AVPR1B: variants seen among roughly 807,000 people sequenced by gnomAD.
AVPR1B encodes the protein arginine vasopressin receptor 1B.
In AVPR1B, 25 loss-of-function variants were observed where a neutral mutation model predicts 27.5. That is an observed-to-expected ratio of 0.91 (90% CI 0.66 to 1.27). The LOEUF (loss-of-function observed/expected upper bound fraction) is 1.27. AVPR1B is among the 50% of genes most tolerant of loss of function. The pLI is 0.00. For synonymous variants in AVPR1B, 248 were observed against 240.2 expected, an observed-to-expected ratio of 1.03 and a Z score of -0.30; for missense variants, 595 against 556.9, an observed-to-expected ratio of 1.07 and a Z score of -0.69.
chr1:206,111,107 T>C (rs1553289787), intron 1 of AVPR1B, among the ~76,000 whole-genome samples: 1 of 152,136 alleles, frequency 6.6e-6, no homozygotes, highest in African/African-American at 2.4e-5. Flanking sequence ...GGGGACCTGA[T>C]GGGGCAATCA....
At chr1:206,111,295 CA>C (rs33959978) in intron 1 of AVPR1B, among the ~76,000 whole-genome samples, 31,134 of 152,056 alleles carry the variant, frequency 0.2, 4,518 homozygotes, top group African/African-American at 0.41. Flanking sequence ...CTCTCTTGGG[CA>C]GTCAAAATGT....
Position 206,116,863 on chromosome 1 carries a change from T to G in AVPR1B, c.28A>C (p.Asn10His). The change falls in exon 1 of 2, where the codon AAC becomes CAC. Residue 10 changes from asparagine (N) to histidine (H), a missense_variant. By Grantham distance (68) the Asn-to-His change is moderately conservative. Coordinates refer to ENST00000367126, the MANE Select transcript of AVPR1B (RefSeq NM_000707.5). The stretch of plus-strand genomic sequence containing the variant: ...GAGAGGGTGCCCCGAGGGGTGGGGT[T>G]GGCATCCCACAGAGGCCCAGAATCC... MDSGPLWDA[N>H]PTPRGTLSAP... 1 of 1,613,016 alleles carries G rather than the reference T, an allele frequency of 6.2e-7. No homozygotes were observed. Among genetic ancestry groups the G allele is most frequent in the Non-Finnish European group, 8.5e-7 (1 of 1,179,562 alleles).
At chr1:206,113,461 TTGTC>T (rs1553290125) in intron 1 of AVPR1B, among the ~76,000 whole-genome samples, 1 of 152,186 alleles carries the variant, frequency 6.6e-6, no homozygotes, top group African/African-American at 2.4e-5. Context: ...TGGGAGCACA[TTGTC>T]TGTAAGATAA....
chr1:206,109,871 C>T lies in AVPR1B; in HGVS notation c.*318G>A, dbSNP rs782557044. Reference sequence around the variant, plus strand: ...TTCCTGCCACCCGTGGACCCCTAGACAGCACCATCCTAGGCCTGCCTAGAT... The same window carrying T: ...TTCCTGCCACCCGTGGACCCCTAGATAGCACCATCCTAGGCCTGCCTAGAT... On this transcript the variant is annotated 3_prime_UTR_variant, in exon 2 of 2. Transcript: ENST00000367126. 2.0e-5 allele frequency: 6 copies of T among 302,066 alleles called. No homozygotes were observed. Among genetic ancestry groups the T allele is most frequent in the South Asian group, 7.2e-5 (1 of 13,802 alleles). 18.7% of individuals were successfully genotyped at this position (302,066 alleles called of 1,614,324 possible). A position where few individuals can be genotyped will look rare whatever the true frequency, so the allele number is the denominator to read the frequency against.
At chr1:206,115,813 G>A in intron 1 of AVPR1B, 138 bp downstream of exon 1, 2 of 771,492 alleles carry the variant, frequency 2.6e-6, no homozygotes, top group South Asian at 4.7e-5. Flanking sequence ...TTTTCACTTG[G>A]AGCAGGCACC....
rs1663484315 is a variant in AVPR1B at position 206,116,776 on chromosome 1, C to T, written c.115G>A (p.Gly39Arg). Residue 39 changes from glycine to arginine, a missense_variant, in exon 1 of 2, where the codon GGA becomes AGA. Coordinates refer to ENST00000367126, the MANE Select transcript of AVPR1B (RefSeq NM_000707.5). Reference sequence around the variant, plus strand: ...AGCACCAGGACAGTGGCCAGGACTCCGATCTCCACCTTGGCCAGCTCCTCA... The same window carrying T: ...AGCACCAGGACAGTGGCCAGGACTCTGATCTCCACCTTGGCCAGCTCCTCA... The part of the protein sequence containing the change: ...RDEELAKVEI[G>R]VLATVLVLAT... 3.7e-6 allele frequency: 6 copies of T among 1,613,346 alleles called. No individual in the cohort carries two copies. The highest frequency in any genetic ancestry group is 1.3e-5 in the African/African-American group (1 of 74,838).
Position 206,116,969 on chromosome 1 carries a change from G to T in AVPR1B, c.-79C>A, listed in dbSNP as rs961996382. The T allele has an allele frequency of 5.3e-6, 7 of 1,315,240 alleles. No homozygotes were observed. Among genetic ancestry groups the T allele is most frequent in the African/African-American group, 1.5e-5 (1 of 67,770 alleles). The allele number at this position is 1,315,240 out of a possible 1,614,324, so 81.5% of individuals were successfully genotyped here. A position where few individuals can be genotyped will look rare whatever the true frequency, so the allele number is the denominator to read the frequency against. Reference sequence around the variant, plus strand: ...GAGGTTTGATGGATAAAATGGAGTGGCAGGGGAGGTGGAGAGAAAGGAGAA... The same window carrying T: ...GAGGTTTGATGGATAAAATGGAGTGTCAGGGGAGGTGGAGAGAAAGGAGAA... On this transcript the variant is annotated 5_prime_UTR_variant, in exon 1 of 2. Coordinates refer to ENST00000367126, the MANE Select transcript of AVPR1B (RefSeq NM_000707.5).
In AVPR1B at chr1:206,111,919, C is replaced by T. The variant is rs539284386; in HGVS notation, c.941-1396G>A. Among the ~76,000 whole-genome samples the T allele has an allele frequency of 8.0e-4, 122 of 152,256 alleles. 1 individual carries two copies. The highest frequency in any genetic ancestry group is 2.8e-3 in the African/African-American group (116 of 41,552). The stretch of plus-strand genomic sequence containing the variant: ...TGATATGGTTTGGATGTCGGCTGGG[C>T]GCAGTGGCTTACGCCCGTAATCCCA... On this transcript the variant is annotated intron_variant, in intron 1 of 1. Transcript: ENST00000367126.
At chr1:206,115,756 G>A (rs1663452352) in intron 1 of AVPR1B, among the ~76,000 whole-genome samples, 195 bp downstream of exon 1, 1 of 152,216 alleles carries the variant, frequency 6.6e-6, no homozygotes, top group African/African-American at 2.4e-5. Context: ...TCACGTAAAA[G>A]ATACTGACAT....
rs1553290507 is a variant in AVPR1B at position 206,116,288 on chromosome 1, G to A, written c.603C>T (p.Thr201=). 1 of 1,613,500 alleles carries A rather than the reference G, an allele frequency of 6.2e-7. No homozygotes were observed. Among genetic ancestry groups the A allele is most frequent in the African/African-American group, 1.3e-5 (1 of 74,946 alleles). The change falls in exon 1 of 2, where the codon ACC becomes ACT. Residue 201 remains threonine, a synonymous_variant. Transcript: ENST00000367126. ...GAACGAAGATAGCCAGGGTGGTCCAGGTGAGGTAGGCCCGTGGCCCCCAAG... is the reference window on the plus strand; with the variant it reads ...GAACGAAGATAGCCAGGGTGGTCCAAGTGAGGTAGGCCCGTGGCCCCCAAG... The part of the protein sequence containing the change: ...GFPWGPRAYL[T]WTTLAIFVLP...
rs1006161024 is a variant in AVPR1B at position 206,117,186 on chromosome 1, G to C, written c.-296C>G. 1.6e-5 allele frequency: 6 copies of C among 368,570 alleles called. No homozygotes were observed. The highest frequency in any genetic ancestry group is 1.3e-4 in the African/African-American group (6 of 47,456). 22.8% of individuals were successfully genotyped at this position (368,570 alleles called of 1,614,324 possible). Reference sequence around the variant, plus strand: ...AATGGGGGACGCTGTGCAGAGTGAGGCTTCTGGGAGGGAAAGAAGGCTGGG... The same window carrying C: ...AATGGGGGACGCTGTGCAGAGTGAGCCTTCTGGGAGGGAAAGAAGGCTGGG... On this transcript the variant is annotated 5_prime_UTR_variant, in exon 1 of 2. Transcript: ENST00000367126.
chr1:206,111,123 G>A (rs745460894), intron 1 of AVPR1B, among the ~76,000 whole-genome samples: 11 of 152,122 alleles, frequency 7.2e-5, no homozygotes, highest in Non-Finnish European at 1.5e-4. Context: ...AATCAATGGA[G>A]CCTGACTGCC....
rs1233645352 is a variant in AVPR1B, at chr1:206,107,507, G to A, written c.*2682C>T. On this transcript the variant is annotated 3_prime_UTR_variant, in exon 2 of 2. Coordinates refer to ENST00000367126, the MANE Select transcript of AVPR1B (RefSeq NM_000707.5). ...GAGCTTCCTGGAATGGGTTCCCGAG[G>A]CCCTCAGCCAGTGTGCAGTCGCTCC... Among the ~76,000 whole-genome samples the A allele has an allele frequency of 6.6e-6, 1 of 152,132 alleles. No individual in the cohort carries two copies. The highest frequency in any genetic ancestry group is 1.9e-4 in the East Asian group (1 of 5,186).
At chr1:206,112,916 C>A (rs28592734) in intron 1 of AVPR1B, among the ~76,000 whole-genome samples, 10,551 of 152,216 alleles carry the variant, frequency 0.069, 1,055 homozygotes, top group African/African-American at 0.22. Flanking sequence ...GACAAGCCCC[C>A]AAAACAAGCT....
chr1:206,110,071 T>C lies in AVPR1B; in HGVS notation c.*118A>G. 8.0e-7 allele frequency: 1 copy of C among 1,251,146 alleles called. No individual in the cohort carries two copies. Among genetic ancestry groups the C allele is most frequent in the Non-Finnish European group, 1.1e-6 (1 of 914,864 alleles). The allele number at this position is 1,251,146 out of a possible 1,614,324, so 77.5% of individuals were successfully genotyped here. A position where few individuals can be genotyped will look rare whatever the true frequency, so the allele number is the denominator to read the frequency against. ...CCCATTCTGGCCTTTTCGCTCCGCTTTAGACAGGGCTCCTCTAACTCCAAC... is the reference window on the plus strand; with the variant it reads ...CCCATTCTGGCCTTTTCGCTCCGCTCTAGACAGGGCTCCTCTAACTCCAAC... On this transcript the variant is annotated 3_prime_UTR_variant, in exon 2 of 2. Transcript: ENST00000367126.
chr1:206,111,937 T>C (rs1663388779), intron 1 of AVPR1B, among the ~76,000 whole-genome samples: 1 of 152,192 alleles, frequency 6.6e-6, no homozygotes, highest in African/African-American at 2.4e-5. Context: ...CTTACGCCCG[T>C]AATCCCAACA....
Position 206,116,685 on chromosome 1 carries a change from A to G in AVPR1B, c.206T>C (p.Met69Thr). The change falls in exon 1 of 2, where the codon ATG becomes ACG. Residue 69 changes from methionine (M) to threonine (T), a missense_variant. By Grantham distance (81) the Met-to-Thr change is moderately conservative (BLOSUM62 -1). Transcript: ENST00000367126. ...LGQLGRKRSRMHLFVLHLALT... is the reference protein window; with the variant it reads ...LGQLGRKRSRTHLFVLHLALT... ...GGCTAAGTGCAGCACGAACAGGTGC[A>G]TGCGGGAGCGCTTGCGGCCCAGCTG... 1 of 1,609,586 alleles carries G rather than the reference A, an allele frequency of 6.2e-7. No homozygotes were observed.
rs1192552508 is a variant in AVPR1B at position 206,117,306 on chromosome 1, G to T, written c.-416C>A. The stretch of plus-strand genomic sequence containing the variant: ...AGCCCTTCAGCCTGCTTGGAGGCGC[G>T]GTCCGGGGCAGTCGGTGTCGCGCTC... On this transcript the variant is annotated 5_prime_UTR_variant, in exon 1 of 2. Coordinates refer to ENST00000367126, the MANE Select transcript of AVPR1B (RefSeq NM_000707.5). The T allele has an allele frequency of 6.0e-6, 1 of 165,532 alleles. No individual in the cohort carries two copies. Among genetic ancestry groups the T allele is most frequent in the East Asian group, 1.8e-4 (1 of 5,496 alleles). 10.3% of individuals were successfully genotyped at this position (165,532 alleles called of 1,614,324 possible). A position where few individuals can be genotyped will look rare whatever the true frequency, so the allele number is the denominator to read the frequency against.
In AVPR1B at chr1:206,116,906, G is replaced by T. The variant is rs782129834; in HGVS notation, c.-16C>A. On this transcript the variant is annotated 5_prime_UTR_variant, in exon 1 of 2. Coordinates refer to ENST00000367126, the MANE Select transcript of AVPR1B (RefSeq NM_000707.5). ...CAGAATCCATGAGCAAGGTTTGCTG[G>T]GAGGGAAGGATGAAGGGAGGGTGTG... 6.3e-7 allele frequency: 1 copy of T among 1,592,250 alleles called. No individual in the cohort carries two copies. The highest frequency in any genetic ancestry group is 1.1e-5 in the South Asian group (1 of 87,918).
Sources: allele counts gnomAD v4.1 joint callset (sites outside exome capture counted in the v4.1 genomes callset), GRCh38; gene constraint gnomAD v4.1.1; transcripts MANE v1.5; gene names NCBI Gene and HGNC (gene_info 2026-07-23, HGNC 2026-07-21).